Variants in SPOCK3 observed in about 807,000 individuals in gnomAD.
SPOCK3 encodes SPARC (osteonectin), cwcv and kazal like domains proteoglycan 3.
Under a neutral mutation model 56.6 loss-of-function variants are expected in SPOCK3, and 30 were observed. The ratio of observed to expected loss-of-function variants is 0.53; its 90% CI spans 0.40 to 0.72. The LOEUF (loss-of-function observed/expected upper bound fraction) is 0.72, where lower values mean the gene tolerates loss of function less well. SPOCK3 is among the 30% of genes least tolerant of loss of function. SPOCK3 has a pLI of 0.00. For synonymous variants in SPOCK3, 196 were observed against 183.3 expected, an observed-to-expected ratio of 1.07 and a Z score of -0.56; for missense variants, 527 against 530.0, an observed-to-expected ratio of 0.99 and a Z score of 0.06.
intron 6 of SPOCK3, among the ~76,000 whole-genome samples, chr4:166,884,117 A>G (rs1733951508): frequency 6.6e-6 from 1 of 151,990 alleles, no homozygotes; most frequent in Admixed American, 6.6e-5. Context: ...AATGTGAAAG[A>G]CTTGTCAAAG....
chr4:167,218,281 T>G (rs1735564143), intron 2 of SPOCK3, among the ~76,000 whole-genome samples: 1 of 152,172 alleles, frequency 6.6e-6, no homozygotes, highest in African/African-American at 2.4e-5. Flanking sequence ...AACATTAACT[T>G]GGCCTCAGAT....
intron 2 of SPOCK3, among the ~76,000 whole-genome samples, chr4:167,189,413 C>T (rs1451245971): frequency 6.9e-6 from 1 of 145,194 alleles, no homozygotes; most frequent in Admixed American, 7.1e-5. Flanking sequence ...AGTATTTAAC[C>T]AAGAAACAAG....
At chr4:167,142,904 A>G (rs1369939054) in intron 2 of SPOCK3, among the ~76,000 whole-genome samples, 1 of 151,978 alleles carries the variant, frequency 6.6e-6, no homozygotes, top group Non-Finnish European at 1.5e-5. Context: ...GTGTGGATGC[A>G]ACAAAACAAC....
intron 6 of SPOCK3, among the ~76,000 whole-genome samples, chr4:166,867,192 C>G (rs953352827): frequency 6.6e-6 from 1 of 151,990 alleles, no homozygotes; most frequent in Non-Finnish European, 1.5e-5. Flanking sequence ...ACACAGTCTA[C>G]AGTCTTATTT....
chr4:167,091,330 T>C (rs1355702210), intron 2 of SPOCK3, among the ~76,000 whole-genome samples: 1 of 152,198 alleles, frequency 6.6e-6, no homozygotes, highest in Non-Finnish European at 1.5e-5. Context: ...TATTTCATAA[T>C]GAACTGTTCA....
intron 2 of SPOCK3, among the ~76,000 whole-genome samples, chr4:167,079,729 G>T (rs1170446249): frequency 1.3e-5 from 2 of 151,934 alleles, no homozygotes; most frequent in Non-Finnish European, 2.9e-5. Context: ...AAGCAAATTC[G>T]ATATCAAACA....
chr4:166,857,346 G>A (rs908990896), intron 6 of SPOCK3, among the ~76,000 whole-genome samples: 1 of 152,208 alleles, frequency 6.6e-6, no homozygotes, highest in African/African-American at 2.4e-5. Flanking sequence ...ACTGGTGGGT[G>A]TAGAGGCCTG....
At chr4:167,009,168 C>CCAA (rs70957804) in intron 3 of SPOCK3, among the ~76,000 whole-genome samples, 3,590 of 152,076 alleles carry the variant, frequency 0.024, 76 homozygotes, top group Middle Eastern at 0.061. Flanking sequence ...TAACAAACAT[C>CCAA]CAACAACAAC....
intron 5 of SPOCK3, among the ~76,000 whole-genome samples, chr4:166,897,086 C>T (rs891105321): frequency 2.0e-5 from 3 of 152,042 alleles, no homozygotes; most frequent in South Asian, 2.1e-4. Flanking sequence ...TTATATATCT[C>T]GAGACTATTT....
chr4:167,163,564 C>T (rs10029441), intron 2 of SPOCK3, among the ~76,000 whole-genome samples: 19,777 of 151,916 alleles, frequency 0.13, 1,597 homozygotes, highest in African/African-American at 0.2. Context: ...TAACTCTCCC[C>T]ACTTTCCCCA....
intron 6 of SPOCK3, among the ~76,000 whole-genome samples, chr4:166,814,127 T>C (rs1480522928): frequency 6.6e-6 from 1 of 152,114 alleles, no homozygotes; most frequent in Non-Finnish European, 1.5e-5. Flanking sequence ...AGAGTCCTTC[T>C]TCACTATGAA....
At chr4:167,135,244 CAT>C in intron 2 of SPOCK3, among the ~76,000 whole-genome samples, 1 of 151,880 alleles carries the variant, frequency 6.6e-6, no homozygotes, top group South Asian at 2.1e-4. Context: ...AAAATGCATA[CAT>C]AGAAAATGTC....
intron 6 of SPOCK3, among the ~76,000 whole-genome samples, chr4:166,820,424 A>C (rs951124065): frequency 6.6e-6 from 1 of 152,112 alleles, no homozygotes; most frequent in African/African-American, 2.4e-5. Flanking sequence ...AATGGAAGAA[A>C]ATTGACAGTC....
intron 4 of SPOCK3, among the ~76,000 whole-genome samples, chr4:166,991,514 C>G (rs1043600846): frequency 6.6e-6 from 1 of 151,912 alleles, no homozygotes; most frequent in Non-Finnish European, 1.5e-5. Flanking sequence ...GGATTACAGG[C>G]ATGCGCCACA....
intron 3 of SPOCK3, among the ~76,000 whole-genome samples, chr4:167,012,331 A>G (rs1466720169): frequency 6.6e-6 from 1 of 151,966 alleles, no homozygotes; most frequent in Admixed American, 6.6e-5. Flanking sequence ...ATATGTAAAA[A>G]TTCAGTTTTC....
At chr4:167,004,365 A>G (rs938915119) in intron 3 of SPOCK3, among the ~76,000 whole-genome samples, 3 of 152,310 alleles carry the variant, frequency 2.0e-5, no homozygotes, top group Middle Eastern at 3.4e-3. Context: ...TGCCCTACTC[A>G]TGGAATGGCA....
chr4:167,206,331 TA>T (rs534395941), intron 2 of SPOCK3, among the ~76,000 whole-genome samples: 3 of 149,972 alleles, frequency 2.0e-5, no homozygotes, highest in South Asian at 4.2e-4. Context: ...TCTTGAAAAA[TA>T]AAAAAAAATA....
chr4:166,739,955 G>A (rs188636916), intron 9 of SPOCK3, among the ~76,000 whole-genome samples: 1 of 152,124 alleles, frequency 6.6e-6, no homozygotes, highest in East Asian at 1.9e-4. Context: ...CGCTTTCTAT[G>A]GATTAAAGGC....
chr4:167,141,775 G>C (rs1482692478), intron 2 of SPOCK3, among the ~76,000 whole-genome samples: 1 of 151,934 alleles, frequency 6.6e-6, no homozygotes, highest in Admixed American at 6.6e-5. Flanking sequence ...TGAGATAACA[G>C]AAGGCAACAA....
Sources: allele counts gnomAD v4.1 joint callset (sites outside exome capture counted in the v4.1 genomes callset), GRCh38; gene constraint gnomAD v4.1.1; transcripts MANE v1.5; gene names NCBI Gene and HGNC (gene_info 2026-07-23, HGNC 2026-07-21).